Variants in RIN2 observed in about 807,000 individuals in gnomAD.
RIN2 encodes the protein RAB5 interacting protein 2.
Under a neutral mutation model 78.0 loss-of-function variants are expected in RIN2, and 36 were observed. The observed-to-expected ratio is 0.46, with a 90% CI of 0.35 to 0.61. The LOEUF is 0.61. Ranked by LOEUF, RIN2 falls within the 20% of genes least tolerant of loss-of-function variation. RIN2 has a pLI of 0.00. For synonymous variants in RIN2, 466 were observed against 466.8 expected (o/e 1.00, Z 0.02); for missense variants, 1,087 against 1,159.7 (o/e 0.94, Z 0.91).
intron 3 of RIN2, among the ~76,000 whole-genome samples, chr20:19,916,371 T>C (rs1478274735): frequency 2.6e-5 from 4 of 152,246 alleles, no homozygotes; most frequent in African/African-American, 9.6e-5. Flanking sequence ...ATAATCCTAG[T>C]ACTTTGGGAA....
At chr20:19,852,411 A>T (rs575991283) in intron 2 of RIN2, among the ~76,000 whole-genome samples, 1 of 152,328 alleles carries the variant, frequency 6.6e-6, no homozygotes, top group Admixed American at 6.5e-5. Context: ...TGCAGACTAG[A>T]AAGCTCCTGT....
chr20:19,896,997 T>C (rs145630486), intron 3 of RIN2, among the ~76,000 whole-genome samples: 46 of 152,272 alleles, frequency 3.0e-4, no homozygotes, highest in African/African-American at 1.1e-3. Context: ...ACAAAAATGG[T>C]ATATATTTAT....
At chr20:19,824,379 CTTA>C (rs1208615432) in intron 2 of RIN2, among the ~76,000 whole-genome samples, 1 of 152,102 alleles carries the variant, frequency 6.6e-6, no homozygotes, top group Non-Finnish European at 1.5e-5. Context: ...TTTCATCATC[CTTA>C]TTATTATTTA....
intron 4 of RIN2, among the ~76,000 whole-genome samples, chr20:19,949,532 G>A (rs949648909): frequency 1.3e-5 from 2 of 152,174 alleles, no homozygotes; most frequent in African/African-American, 4.8e-5. Flanking sequence ...GCCAAACTAG[G>A]TTTCTTATAT....
chr20:19,818,620 T>A (rs6046340), intron 2 of RIN2, among the ~76,000 whole-genome samples: 2,895 of 151,574 alleles, frequency 0.019, 87 homozygotes, highest in African/African-American at 0.067. Context: ...TAATACCAGC[T>A]ACTTGGGAGG....
At chr20:19,908,148 A>T (rs1274220065) in intron 3 of RIN2, among the ~76,000 whole-genome samples, 1 of 152,132 alleles carries the variant, frequency 6.6e-6, no homozygotes, top group Non-Finnish European at 1.5e-5. Flanking sequence ...CAAACCAAAA[A>T]AGACTCATCC....
chr20:19,970,074 T>C (rs898567386), intron 7 of RIN2, among the ~76,000 whole-genome samples: 1 of 152,252 alleles, frequency 6.6e-6, no homozygotes, highest in African/African-American at 2.4e-5. Flanking sequence ...TTTGTCCATC[T>C]GCACGTGGCA....
chr20:19,865,460 A>G (rs2037473828), intron 2 of RIN2, among the ~76,000 whole-genome samples: 1 of 150,004 alleles, frequency 6.7e-6, no homozygotes, highest in African/African-American at 2.5e-5. Context: ...TTAAATTCAA[A>G]TTTCATTTTA....
At chr20:19,844,130 T>G (rs7265767) in intron 2 of RIN2, among the ~76,000 whole-genome samples, 2 of 152,114 alleles carry the variant, frequency 1.3e-5, no homozygotes, top group East Asian at 3.9e-4. Context: ...AGAAATGATG[T>G]TGGTGGAGTG....
At chr20:19,897,662 C>G (rs992444892) in intron 3 of RIN2, among the ~76,000 whole-genome samples, 1 of 152,068 alleles carries the variant, frequency 6.6e-6, no homozygotes, top group African/African-American at 2.4e-5. Flanking sequence ...CCAGAAAACT[C>G]CATCTGAAGA....
Position 19,975,390 on chromosome 20 carries a change from G to T in RIN2, c.1365G>T (p.Ala455=). ...GCATGCCTCTGTTTGGCTACGAGGC[G>T]GACACCAACAGCAGCCTGGAGGACT... ...DRSMPLFGYE[A]DTNSSLEDYE... is the part of the protein sequence containing the mutation. The change falls in exon 9 of 13, where the codon GCG becomes GCT. Residue 455 remains alanine, a synonymous_variant. Coordinates refer to ENST00000255006, the MANE Select transcript of RIN2 (RefSeq NM_018993.4). This position sits in a 1 kb window ranked among gnomAD's most constrained non-coding sequence, Gnocchi z 4.9. 1 of 1,613,984 alleles carries T rather than the reference G, an allele frequency of 6.2e-7. No individual in the cohort carries two copies. Among genetic ancestry groups the T allele is most frequent in the Non-Finnish European group, 8.5e-7 (1 of 1,179,864 alleles).
chr20:19,859,461 C>T (rs2037267706), intron 2 of RIN2, among the ~76,000 whole-genome samples: 1 of 152,208 alleles, frequency 6.6e-6, no homozygotes, highest in African/African-American at 2.4e-5. Flanking sequence ...CATTTTCCTC[C>T]CATTTCTTTG....
At chr20:19,833,601 GT>G (rs2036316894) in intron 2 of RIN2, among the ~76,000 whole-genome samples, 1 of 152,228 alleles carries the variant, frequency 6.6e-6, no homozygotes, top group Non-Finnish European at 1.5e-5. Context: ...CAATTACTTG[GT>G]TTTATGGTCT....
chr20:19,837,974 TG>T (rs1331435754), intron 2 of RIN2, among the ~76,000 whole-genome samples: 1 of 152,070 alleles, frequency 6.6e-6, no homozygotes, highest in Non-Finnish European at 1.5e-5. Flanking sequence ...ATATTTTGAG[TG>T]GAGGGGACAA....
At chr20:19,956,955 A>T in intron 5 of RIN2, 148 bp downstream of exon 5, 2 of 676,514 alleles carry the variant, frequency 3.0e-6, no homozygotes, top group Non-Finnish European at 4.8e-6. Context: ...ATGCAGAAAT[A>T]TTCTGTAAAC....
intron 11 of RIN2, among the ~76,000 whole-genome samples, chr20:19,996,187 G>A (rs1314870732): frequency 6.6e-6 from 1 of 152,136 alleles, no homozygotes; most frequent in Non-Finnish European, 1.5e-5. Flanking sequence ...GGTGGTGCAT[G>A]CCTTTAATCC....
intron 3 of RIN2, among the ~76,000 whole-genome samples, chr20:19,914,094 A>G (rs1387881164): frequency 1.3e-5 from 2 of 152,188 alleles, no homozygotes; most frequent in Non-Finnish European, 1.5e-5. Context: ...GGCTTTAATA[A>G]CAGTATTATC....
chr20:19,850,017 C>T (rs144325700), intron 2 of RIN2, among the ~76,000 whole-genome samples: 185 of 152,272 alleles, frequency 1.2e-3, no homozygotes, highest in African/African-American at 4.0e-3. Context: ...TGACTGTTCT[C>T]ATTAAAGTAA....
Position 19,960,909 on chromosome 20 carries a change from A to G in RIN2, c.463+98A>G, listed in dbSNP as rs866119457. 5 of 715,622 alleles carry G rather than the reference A, an allele frequency of 7.0e-6. No individual in the cohort carries two copies. In the Middle Eastern group the frequency reaches 7.7e-4, roughly 111 times the overall value. The allele number at this position is 715,622 out of a possible 1,614,324, so 44.3% of individuals were successfully genotyped here. A position where few individuals can be genotyped will look rare whatever the true frequency, so the allele number is the denominator to read the frequency against. Reference sequence around the variant, plus strand: ...AGCTCTGGTTATGAGATGGGCAGATATGGGCCTGAGTCTTGGCACTGAATG... The same window carrying G: ...AGCTCTGGTTATGAGATGGGCAGATGTGGGCCTGAGTCTTGGCACTGAATG... On this transcript the variant is annotated intron_variant, in intron 6 of 12. Coordinates refer to ENST00000255006, the MANE Select transcript of RIN2 (RefSeq NM_018993.4).
Sources: gnomAD v4.1 joint callset for allele counts (sites outside exome capture counted in the v4.1 genomes callset) on GRCh38, gnomAD v4.1.1 for gene constraint, Gnocchi (gnomAD v3.1) non-coding constraint, MANE v1.5 for transcripts, NCBI Gene and HGNC (gene_info 2026-07-23, HGNC 2026-07-21) for gene names.